Variants in APBB2 observed in about 807,000 individuals in gnomAD.
APBB2 encodes amyloid beta precursor protein binding family B member 2, also known as Fe65-like 1.
Under a neutral mutation model 82.5 loss-of-function variants are expected in APBB2, and 38 were observed. The ratio of observed to expected loss-of-function variants is 0.46; its 90% CI spans 0.36 to 0.60. The LOEUF (loss-of-function observed/expected upper bound fraction) is 0.60, where lower values mean the gene tolerates loss of function less well. APBB2 is among the 20% of genes least tolerant of loss of function. APBB2 has a pLI of 0.00. For synonymous variants in APBB2, 341 were observed against 368.2 expected (o/e 0.93, Z 0.85); for missense variants, 772 against 972.3 (o/e 0.79, Z 2.74).
chr4:40,914,408 C>T (rs987332845), intron 10 of APBB2, among the ~76,000 whole-genome samples: 11 of 151,922 alleles, frequency 7.2e-5, no homozygotes, highest in African/African-American at 9.7e-5. Context: ...AAAAATCATC[C>T]GGGTGCAGTG....
chr4:41,203,101 A>C (rs1777097234), intron 1 of APBB2, among the ~76,000 whole-genome samples: 3 of 152,018 alleles, frequency 2.0e-5, no homozygotes. Context: ...CTTGCAATCC[A>C]CATGTTTTCA....
At chr4:41,003,782 G>A (rs763212864) in intron 6 of APBB2, among the ~76,000 whole-genome samples, 20 of 152,128 alleles carry the variant, frequency 1.3e-4, no homozygotes, top group Non-Finnish European at 2.2e-4. Context: ...GCATGATCCC[G>A]GCTCACTGCA....
chr4:41,148,551 T>C (rs560440385), intron 1 of APBB2, among the ~76,000 whole-genome samples: 1 of 152,188 alleles, frequency 6.6e-6, no homozygotes, highest in Non-Finnish European at 1.5e-5. Context: ...AATACAACCA[T>C]GAACACTAAG....
chr4:40,945,061 C>T lies in APBB2; in HGVS notation c.848G>A (p.Ser283Asn). The T allele has an allele frequency of 6.3e-7, 1 of 1,589,640 alleles. No homozygotes were observed. The highest frequency in any genetic ancestry group is 8.6e-7 in the Non-Finnish European group (1 of 1,165,164). ...TGGATCAGTCTGAAATGAGTGATCA[C>T]TCCATATATCTGCTGAAAAATTGGG... is the stretch of plus-strand genomic sequence containing the variant. ...SSPDETADIW[S>N]DHSFQTDPDL... Residue 283 changes from serine (S) to asparagine (N), a missense_variant, in exon 7 of 18, where the codon AGT becomes AAT. Coordinates refer to ENST00000508593, the MANE Select transcript of APBB2 (RefSeq NM_004307.2).
intron 2 of APBB2, chr4:41,138,185 G>C (rs1326413857): frequency 6.6e-6 from 1 of 151,890 alleles, no homozygotes; most frequent in Non-Finnish European, 1.5e-5. Flanking sequence ...CAAAAACTAA[G>C]TTTTAGAAAG....
rs572038717 is a variant in APBB2 at position 40,815,985 on chromosome 4, A to G, written c.*107T>C. 27 of 1,300,496 alleles carry G rather than the reference A, an allele frequency of 2.1e-5. No homozygotes were observed. The African/African-American group carries it at 3.7e-4, about 18-fold the overall frequency. The allele number at this position is 1,300,496 out of a possible 1,614,324, so 80.6% of individuals were successfully genotyped here. A position where few individuals can be genotyped will look rare whatever the true frequency, so the allele number is the denominator to read the frequency against. On this transcript the variant is annotated 3_prime_UTR_variant, in exon 18 of 18. Coordinates refer to ENST00000508593, the MANE Select transcript of APBB2 (RefSeq NM_004307.2). ...TGCTTGGTTAAGGGTAAATTCTCTG[A>G]AGACAAAGCATCAGCAACTGGATGG...
intron 3 of APBB2, among the ~76,000 whole-genome samples, chr4:41,083,815 C>T (rs1481639355): frequency 6.7e-6 from 1 of 150,326 alleles, no homozygotes; most frequent in Non-Finnish European, 1.5e-5. Context: ...CTTATTTCAT[C>T]ACATCTAACT....
chr4:40,906,302 A>G (rs1776686742), intron 10 of APBB2, among the ~76,000 whole-genome samples: 1 of 151,614 alleles, frequency 6.6e-6, no homozygotes, highest in African/African-American at 2.4e-5. Flanking sequence ...AAAAAAATTT[A>G]AAAATTAGCT....
intron 10 of APBB2, among the ~76,000 whole-genome samples, chr4:40,922,652 C>T (rs1578453440): frequency 6.6e-6 from 1 of 152,296 alleles, no homozygotes; most frequent in Non-Finnish European, 1.5e-5. Flanking sequence ...GTTCTGTTGG[C>T]CAGGCTGGAG....
At chr4:41,176,363 G>GT (rs1212082269) in intron 1 of APBB2, among the ~76,000 whole-genome samples, 3 of 150,664 alleles carry the variant, frequency 2.0e-5, no homozygotes, top group Non-Finnish European at 4.4e-5. Flanking sequence ...CATAAAGAAT[G>GT]TATTTTTTTT....
chr4:41,079,838 C>T (rs182833996), intron 3 of APBB2, among the ~76,000 whole-genome samples: 6 of 152,222 alleles, frequency 3.9e-5, no homozygotes, highest in Non-Finnish European at 8.8e-5. Flanking sequence ...TAAACCACCG[C>T]GACCGGCCAG....
intron 7 of APBB2, among the ~76,000 whole-genome samples, chr4:40,943,829 C>G (rs920302742): frequency 6.6e-6 from 1 of 152,208 alleles, no homozygotes; most frequent in African/African-American, 2.4e-5. Flanking sequence ...GCTGCCCCAG[C>G]CCATCACTTT....
intron 4 of APBB2, among the ~76,000 whole-genome samples, chr4:41,050,694 A>T (rs2154459368): frequency 6.6e-6 from 1 of 152,348 alleles, no homozygotes; most frequent in Admixed American, 6.5e-5. Context: ...ATAAGAAATA[A>T]GGAAGAGGGA....
intron 6 of APBB2, among the ~76,000 whole-genome samples, chr4:40,968,810 T>G (rs753014798): frequency 6.6e-6 from 1 of 152,210 alleles, no homozygotes; most frequent in Non-Finnish European, 1.5e-5. Context: ...TCTCTTGATA[T>G]GGTTTGGCTG....
intron 3 of APBB2, among the ~76,000 whole-genome samples, chr4:41,090,737 G>C (rs1021113831): frequency 6.6e-6 from 1 of 152,128 alleles, no homozygotes; most frequent in African/African-American, 2.4e-5. Flanking sequence ...GGCATAGCTA[G>C]GATTGTCCCA....
intron 1 of APBB2, among the ~76,000 whole-genome samples, chr4:41,192,968 G>T (rs1774899979): frequency 1.3e-5 from 2 of 152,158 alleles, no homozygotes; most frequent in Non-Finnish European, 2.9e-5. Flanking sequence ...AAGTGGGGTG[G>T]CCTGAGAGCC....
At chr4:40,816,437 T>C (rs1357165274) in intron 17 of APBB2, among the ~76,000 whole-genome samples, 178 bp from the exon 18 acceptor site, 1 of 152,244 alleles carries the variant, frequency 6.6e-6, no homozygotes, top group Non-Finnish European at 1.5e-5. Context: ...TCCTAAAAGA[T>C]TAGGCTCAAC....
At chr4:41,074,157 A>T (rs900032082) in intron 3 of APBB2, among the ~76,000 whole-genome samples, 1 of 152,160 alleles carries the variant, frequency 6.6e-6, no homozygotes, top group African/African-American at 2.4e-5. Flanking sequence ...GAGGTTGAAA[A>T]CATTAGCAGA....
At chr4:40,870,798 T>C (rs896933976) in intron 12 of APBB2, among the ~76,000 whole-genome samples, 4 of 149,912 alleles carry the variant, frequency 2.7e-5, no homozygotes, top group Non-Finnish European at 4.4e-5. Context: ...AGTGGCACGA[T>C]CCCGGCTCAC....
Sources: allele counts gnomAD v4.1 joint callset (sites outside exome capture counted in the v4.1 genomes callset), GRCh38; gene constraint gnomAD v4.1.1; transcripts MANE v1.5; gene names NCBI Gene and HGNC (gene_info 2026-07-23, HGNC 2026-07-21).